The following SLC40A1 variants were observed in gnomAD, a reference collection of about 807,000 sequenced individuals.
SLC40A1 encodes solute carrier family 40 member 1.
In SLC40A1, 16 loss-of-function variants were observed where a neutral mutation model predicts 53.5. The ratio of observed to expected loss-of-function variants is 0.30; its 90% CI spans 0.20 to 0.45. The LOEUF (loss-of-function observed/expected upper bound fraction) is 0.45. SLC40A1 is among the 20% of genes least tolerant of loss of function. The probability of loss-of-function intolerance (pLI) is 1.00; values close to 1 mark genes in which losing one functional copy is unlikely to be tolerated. For missense variants in SLC40A1, 545 were observed against 695.4 expected, an observed-to-expected ratio of 0.78 and a Z score of 2.43; for synonymous variants, 247 against 253.2, an observed-to-expected ratio of 0.98 and a Z score of 0.23.
At chr2:189,562,946 A>C (rs2030801599) in intron 7 of SLC40A1, among the ~76,000 whole-genome samples, 2 of 152,124 alleles carry the variant, frequency 1.3e-5, no homozygotes, top group South Asian at 4.2e-4. Context: ...TATTTTCTAA[A>C]CTACAGTTTT....
At chr2:189,572,011 A>G (rs2031144266) in intron 4 of SLC40A1, among the ~76,000 whole-genome samples, 170 bp from the exon 5 acceptor site, 1 of 152,236 alleles carries the variant, frequency 6.6e-6, no homozygotes, top group Non-Finnish European at 1.5e-5. Context: ...AATGAATACC[A>G]GTAGTCAATG....
chr2:189,565,919 T>G (rs1344502438), intron 5 of SLC40A1, among the ~76,000 whole-genome samples: 1 of 152,220 alleles, frequency 6.6e-6, no homozygotes, highest in Non-Finnish European at 1.5e-5. Context: ...CTAGTCATTA[T>G]TCTCAACAAT....
intron 4 of SLC40A1, chr2:189,572,522 A>G (rs892383359): frequency 5.0e-5 from 19 of 380,244 alleles, no homozygotes; most frequent in Admixed American, 4.3e-5. Flanking sequence ...TGACTAATAT[A>G]GATATGGATA....
intron 5 of SLC40A1, among the ~76,000 whole-genome samples, chr2:189,568,145 A>G (rs2030994407): frequency 6.6e-6 from 1 of 152,026 alleles, no homozygotes; most frequent in African/African-American, 2.4e-5. Flanking sequence ...ATGTTGTATT[A>G]AAAAACAGCT....
chr2:189,574,939 T>C (rs150966486), intron 3 of SLC40A1, among the ~76,000 whole-genome samples: 53 of 152,272 alleles, frequency 3.5e-4, no homozygotes, highest in Middle Eastern at 3.4e-3. Flanking sequence ...CAGCCAAAGA[T>C]ACAAAAAAAT....
chr2:189,578,064 GT>G (rs2031345583), intron 2 of SLC40A1, among the ~76,000 whole-genome samples: 1 of 152,184 alleles, frequency 6.6e-6, no homozygotes, highest in Non-Finnish European at 1.5e-5. Flanking sequence ...CCTACGTTCA[GT>G]GCATAAGAAA....
At chr2:189,577,768 G>A (rs2031335720) in intron 2 of SLC40A1, among the ~76,000 whole-genome samples, 1 of 151,578 alleles carries the variant, frequency 6.6e-6, no homozygotes, top group African/African-American at 2.4e-5. Flanking sequence ...TGTGTCTCAT[G>A]ACACCTGGCT....
chr2:189,570,351 C>T (rs957809864), intron 5 of SLC40A1, among the ~76,000 whole-genome samples: 7 of 151,930 alleles, frequency 4.6e-5, no homozygotes, highest in Non-Finnish European at 7.4e-5. Flanking sequence ...GATCTATTGT[C>T]AAAATATATC....
intron 7 of SLC40A1, among the ~76,000 whole-genome samples, chr2:189,563,084 C>T (rs1161757093): frequency 6.6e-6 from 1 of 151,598 alleles, no homozygotes; most frequent in East Asian, 1.9e-4. Flanking sequence ...AGACCACCTT[C>T]GGCAACATGG....
chr2:189,580,605 C>T lies in SLC40A1; in HGVS notation c.-145G>A, dbSNP rs2031437778. ...TTGGGCAAAAAGACTACAACGACGA[C>T]TTTGGCAAAGAACAAAAGAAAAGGG... On this transcript the variant is annotated 5_prime_UTR_variant, in exon 1 of 8. Transcript: ENST00000261024. 1.3e-6 allele frequency: 2 copies of T among 1,560,944 alleles called. No individual in the cohort carries two copies. The highest frequency in any genetic ancestry group is 3.8e-5 in the Admixed American group (2 of 53,282).
intron 2 of SLC40A1, chr2:189,578,488 C>A (rs2031362896): frequency 2.6e-6 from 1 of 383,872 alleles, no homozygotes; most frequent in Non-Finnish European, 3.8e-6. Context: ...AACCAAAGGT[C>A]ACATAAACCA....
chr2:189,570,086 A>ATG (rs2031079655), intron 5 of SLC40A1, among the ~76,000 whole-genome samples: 1 of 150,550 alleles, frequency 6.6e-6, no homozygotes, highest in African/African-American at 2.4e-5. Flanking sequence ...ACATCTATAT[A>ATG]TATGTATGTG....
At chr2:189,577,007 G>C (rs2031307197) in intron 2 of SLC40A1, among the ~76,000 whole-genome samples, 1 of 152,134 alleles carries the variant, frequency 6.6e-6, no homozygotes, top group Non-Finnish European at 1.5e-5. Flanking sequence ...GCTTTAAGAA[G>C]CAACAGATTC....
At position 189,578,299 on chromosome 2, in the gene SLC40A1, T is replaced by C. The variant is rs921706439; in HGVS notation, c.111+1514A>G. ...TCCACTAAACCTTATATGATTGTAG[T>C]TGCTGCTGTTTGTTTAATCCAACTT... On this transcript the variant is annotated intron_variant, in intron 2 of 7. Transcript: ENST00000261024. 5.0e-6 allele frequency: 5 copies of C among 1,002,294 alleles called. No individual in the cohort carries two copies. The East Asian group carries it at 4.5e-4, about 91-fold the overall frequency. The allele number at this position is 1,002,294 out of a possible 1,614,324, so 62.1% of individuals were successfully genotyped here.
At chr2:189,565,834 G>C (rs943912637) in intron 5 of SLC40A1, among the ~76,000 whole-genome samples, 5 of 152,246 alleles carry the variant, frequency 3.3e-5, no homozygotes, top group East Asian at 3.9e-4. Context: ...CAGTCTAATA[G>C]CTTTTTAAAA....
At chr2:189,570,643 C>T (rs1380226319) in intron 5 of SLC40A1, among the ~76,000 whole-genome samples, 4 of 152,162 alleles carry the variant, frequency 2.6e-5, no homozygotes, top group Admixed American at 6.5e-5. Flanking sequence ...GAATTTCTAA[C>T]TCAATAATAA....
At chr2:189,565,677 T>G in intron 5 of SLC40A1, 78 bp from the exon 6 acceptor site, 3 of 1,577,946 alleles carry the variant, frequency 1.9e-6, no homozygotes, top group South Asian at 1.1e-5. Context: ...AATACAAAGC[T>G]GTAAACCAAG....
chr2:189,565,082 T>G (rs1317503404), intron 6 of SLC40A1, among the ~76,000 whole-genome samples: 2 of 152,130 alleles, frequency 1.3e-5, no homozygotes, highest in Non-Finnish European at 2.9e-5. Context: ...TTTGCCCAGC[T>G]ATCTCTCAAG....
At chr2:189,575,467 C>T (rs2031259818) in intron 2 of SLC40A1, 147 bp from the exon 3 acceptor site, 3 of 746,354 alleles carry the variant, frequency 4.0e-6, no homozygotes, top group Non-Finnish European at 7.0e-6. Context: ...TTGAATACTG[C>T]TCAGATGTTA....
Sources: gnomAD v4.1 joint callset for allele counts (sites outside exome capture counted in the v4.1 genomes callset) on GRCh38, gnomAD v4.1.1 for gene constraint, MANE v1.5 for transcripts, NCBI Gene and HGNC (gene_info 2026-07-23, HGNC 2026-07-21) for gene names.